HDAC1: variants seen among roughly 807,000 people sequenced by gnomAD.
HDAC1 encodes protein deacetylase HDAC1.
HDAC1 carries 18 observed loss-of-function variants against 65.5 expected under a neutral mutation model. The observed-to-expected ratio is 0.27, with a 90% CI of 0.19 to 0.41. The LOEUF is 0.41. Ranked by LOEUF, HDAC1 falls within the 10% of genes least tolerant of loss-of-function variation. The probability of loss-of-function intolerance (pLI) is 1.00; values close to 1 mark genes in which losing one functional copy is unlikely to be tolerated. For synonymous variants in HDAC1, 211 were observed against 227.9 expected (o/e 0.93, Z 0.67); for missense variants, 373 against 625.2 (o/e 0.60, Z 4.30).
Position 32,330,789 on chromosome 1 carries a change from T to C in HDAC1, c.860T>C (p.Phe287Ser), listed in dbSNP as rs971613278. Residue 287 changes from phenylalanine to serine, a missense_variant, in exon 9 of 14, where the codon TTT (phenylalanine) becomes TCT (serine). Coordinates refer to ENST00000373548, the MANE Select transcript of HDAC1 (RefSeq NM_004964.3). The surrounding 1 kb of genome is among the most constrained non-coding windows in gnomAD (Gnocchi z 4.2). ...TIKGHAKCVE[F>S]VKSFNLPMLM... Reference sequence around the variant, plus strand: ...AAAGGACACGCCAAGTGTGTGGAATTTGTCAAGAGCTTTAACCTGCCTATG... The same window carrying C: ...AAAGGACACGCCAAGTGTGTGGAATCTGTCAAGAGCTTTAACCTGCCTATG... 6.2e-7 allele frequency: 1 copy of C among 1,614,032 alleles called. No individual in the cohort carries two copies. Among genetic ancestry groups the C allele is most frequent in the African/African-American group, 1.3e-5 (1 of 74,886 alleles).
In HDAC1 at chr1:32,331,925, G is replaced by A. The variant is rs954934870; in HGVS notation, c.1219+119G>A. 6.3e-6 allele frequency: 9 copies of A among 1,434,898 alleles called. No homozygotes were observed. In the East Asian group the frequency reaches 1.8e-4, roughly 29 times the overall value. 88.9% of individuals were successfully genotyped at this position (1,434,898 alleles called of 1,614,324 possible). A position where few individuals can be genotyped will look rare whatever the true frequency, so the allele number is the denominator to read the frequency against. On this transcript the variant is annotated intron_variant, in intron 11 of 13. Transcript: ENST00000373548. The surrounding 1 kb of genome is among the most constrained non-coding windows in gnomAD (Gnocchi z 4.2). ...CACCTGTAGAGAAATCTGTTTTCGA[G>A]TTCCAGTGCCTGTAGGAACAGGTTA...
At chr1:32,295,219 G>A (rs1264135415) in intron 1 of HDAC1, among the ~76,000 whole-genome samples, 1 of 152,102 alleles carries the variant, frequency 6.6e-6, no homozygotes, top group East Asian at 1.9e-4. Context: ...TTTGAGACCA[G>A]CCTGGGCAAC....
Position 32,331,139 on chromosome 1 carries a change from A to C in HDAC1, c.979+231A>C, listed in dbSNP as rs958958630. On this transcript the variant is annotated intron_variant, in intron 9 of 13. Transcript: ENST00000373548. This position sits in a 1 kb window ranked among gnomAD's most constrained non-coding sequence, Gnocchi z 4.2. ...TGCTTTTGGTCTGGACAAAGTTCTC[A>C]TTGGTAATTTACAGCTTTGGAATTT... Among the ~76,000 whole-genome samples the C allele has an allele frequency of 6.6e-6, 1 of 152,070 alleles. No individual in the cohort carries two copies. The highest frequency in any genetic ancestry group is 2.4e-5 in the African/African-American group (1 of 41,380).
rs1376259746 is a variant in HDAC1 at position 32,292,174 on chromosome 1, C to T, written c.5C>T (p.Ala2Val). The T allele has an allele frequency of 1.9e-6, 3 of 1,548,290 alleles. No homozygotes were observed. Among genetic ancestry groups the T allele is most frequent in the South Asian group, 1.2e-5 (1 of 83,974 alleles). The change falls in exon 1 of 14, where the codon GCG becomes GTG. Residue 2 changes from alanine (A) to valine (V), a missense_variant. By Grantham distance (64) the Ala-to-Val change is moderately conservative. Around this residue, in one of 4 missense-constraint regions of HDAC1, gnomAD observed 80 missense variants for 126.3 expected, o/e 0.63. Coordinates refer to ENST00000373548, the MANE Select transcript of HDAC1 (RefSeq NM_004964.3). ...TAGGGACGGGAGGCGAGCAAGATGG[C>T]GCAGACGCAGGGCACCCGGAGGAAA... The part of the protein sequence containing the change: M[A>V]QTQGTRRKVC...
Position 32,330,075 on chromosome 1 carries a change from C to T in HDAC1, c.730-503C>T, listed in dbSNP as rs1641269976. On this transcript the variant is annotated intron_variant, in intron 7 of 13. Coordinates refer to ENST00000373548, the MANE Select transcript of HDAC1 (RefSeq NM_004964.3). The surrounding 1 kb of genome is among the most constrained non-coding windows in gnomAD (Gnocchi z 4.2). Reference sequence around the variant, plus strand: ...GCTTAACCTAATAAGGTCAGGTAGTCATTCAGCAAACACTGACTGCCCACT... The same window carrying T: ...GCTTAACCTAATAAGGTCAGGTAGTTATTCAGCAAACACTGACTGCCCACT... 1 of 163,810 alleles carries T rather than the reference C, an allele frequency of 6.1e-6. No homozygotes were observed. The highest frequency in any genetic ancestry group is 1.3e-5 in the Non-Finnish European group (1 of 74,122). The allele number at this position is 163,810 out of a possible 1,614,324, so 10.1% of individuals were successfully genotyped here. A position where few individuals can be genotyped will look rare whatever the true frequency, so the allele number is the denominator to read the frequency against.
intron 12 of HDAC1, among the ~76,000 whole-genome samples, chr1:32,332,497 G>A (rs558246063): frequency 1.4e-4 from 22 of 152,312 alleles, no homozygotes; most frequent in Admixed American, 3.3e-4. Context: ...GGCTGCCTCC[G>A]CCCACCAGGT....
At chr1:32,328,435 G>A (rs1441424170) in intron 6 of HDAC1, among the ~76,000 whole-genome samples, 3 of 151,824 alleles carry the variant, frequency 2.0e-5, no homozygotes, top group East Asian at 3.9e-4. Context: ...CTCAGCCTCC[G>A]AATAGCCGGG....
chr1:32,325,887 C>T (rs1482794828), intron 4 of HDAC1, among the ~76,000 whole-genome samples: 3 of 151,804 alleles, frequency 2.0e-5, no homozygotes, highest in Non-Finnish European at 4.4e-5. Flanking sequence ...ATTAGCCGGG[C>T]GTGGTGGTGT....
At chr1:32,304,441 C>T (rs75506495) in intron 2 of HDAC1, among the ~76,000 whole-genome samples, 1,655 of 152,240 alleles carry the variant, frequency 0.011, 18 homozygotes, top group Middle Eastern at 0.027. Context: ...CTGCTCCCTG[C>T]AGGCTGGAGT....
intron 3 of HDAC1, among the ~76,000 whole-genome samples, chr1:32,321,088 G>A (rs959834200): frequency 6.0e-5 from 9 of 149,168 alleles, no homozygotes; most frequent in South Asian, 2.1e-4. Flanking sequence ...AAAATTAGCC[G>A]GGTGTGGTGG....
chr1:32,320,899 CAAAAAAA>C (rs1160071616), intron 3 of HDAC1, among the ~76,000 whole-genome samples: 3,206 of 23,326 alleles, frequency 0.14, 116 homozygotes, highest in African/African-American at 0.27. Context: ...GACTCCATCT[CAAAAAAA>C]AAAAAAAAAA....
In HDAC1 at chr1:32,295,067, A is replaced by AT. The variant is rs1360616404; in HGVS notation, c.49+2855dup. On this transcript the variant is annotated intron_variant, in intron 1 of 13. Transcript: ENST00000373548. Reference sequence around the variant, plus strand: ...CCAGTAGGCAGTTTAGAAGATAGAAATTTTTTGGTAGTCATCAGTATCTTA... The same window carrying AT: ...CCAGTAGGCAGTTTAGAAGATAGAAATTTTTTTGGTAGTCATCAGTATCTTA... Among the ~76,000 whole-genome samples the AT allele has an allele frequency of 2.0e-5, 3 of 152,240 alleles. No individual in the cohort carries two copies. In the East Asian group the frequency reaches 5.8e-4, roughly 29 times the overall value.
intron 2 of HDAC1, among the ~76,000 whole-genome samples, chr1:32,314,529 A>G (rs1641032118): frequency 6.6e-6 from 1 of 152,056 alleles, no homozygotes; most frequent in Admixed American, 6.6e-5. Context: ...AATATTTCTT[A>G]AATATAGAGA....
At chr1:32,332,946 G>A (rs551911025) in intron 13 of HDAC1, 71 bp from the exon 14 acceptor site, 2 of 1,504,604 alleles carry the variant, frequency 1.3e-6, no homozygotes, top group South Asian at 1.2e-5. Flanking sequence ...TCCTGTGGAA[G>A]TCACTGTCTG....
At chr1:32,322,610 G>T (rs1333626632) in intron 3 of HDAC1, among the ~76,000 whole-genome samples, 1 of 152,148 alleles carries the variant, frequency 6.6e-6, no homozygotes, top group Admixed American at 6.5e-5. Flanking sequence ...GAGCTATAAA[G>T]TTCCTCTAGG....
intron 4 of HDAC1, among the ~76,000 whole-genome samples, chr1:32,325,473 T>C (rs1454915552): frequency 2.6e-5 from 4 of 152,224 alleles, no homozygotes; most frequent in Non-Finnish European, 5.9e-5. Flanking sequence ...TTGGTGTTTG[T>C]ATGGCCATTC....
chr1:32,313,581 C>A (rs1314807284), intron 2 of HDAC1, among the ~76,000 whole-genome samples: 2 of 152,160 alleles, frequency 1.3e-5, no homozygotes, highest in African/African-American at 4.8e-5. Flanking sequence ...TAAATGTTGG[C>A]TGTGTATTGA....
In HDAC1 at chr1:32,327,956, A is replaced by G. The variant is rs1164660074; in HGVS notation, c.636+279A>G. On this transcript the variant is annotated intron_variant, in intron 6 of 13. Transcript: ENST00000373548. This position sits in a 1 kb window ranked among gnomAD's most constrained non-coding sequence, Gnocchi z 6.0. ...CATCACACTATTCTTATGTCTCATA[A>G]GCCTTGAGTTTGGGGGTAGGAATTG... 2.0e-5 allele frequency among the ~76,000 whole-genome samples: 3 copies of G among 152,188 alleles called. No homozygotes were observed. The East Asian group carries it at 5.8e-4, about 29-fold the overall frequency.
chr1:32,322,479 G>A (rs543573667), intron 3 of HDAC1, among the ~76,000 whole-genome samples: 57 of 152,104 alleles, frequency 3.7e-4, no homozygotes, highest in Admixed American at 3.7e-3. Flanking sequence ...ATGTTGGCCA[G>A]GCTAGTCTTG....
Sources: allele counts gnomAD v4.1 joint callset (sites outside exome capture counted in the v4.1 genomes callset), GRCh38; gene constraint gnomAD v4.1.1; regional missense constraint gnomAD v4.1.1; non-coding constraint Gnocchi (gnomAD v3.1); transcripts MANE v1.5; gene names NCBI Gene and HGNC (gene_info 2026-07-23, HGNC 2026-07-21).